Variants in ZNF571 observed in about 807,000 individuals in gnomAD.
The protein encoded by ZNF571 is zinc finger protein 571.
In ZNF571, 4 loss-of-function variants were observed where a neutral mutation model predicts 7.7. That is an observed-to-expected ratio of 0.52 (90% confidence interval 0.25 to 1.18). ZNF571 has a LOEUF of 1.18. Ranked by LOEUF, ZNF571 falls within the 50% of genes most tolerant of loss-of-function variation. ZNF571 has a pLI of 0.14. For missense variants in ZNF571, 704 were observed against 726.9 expected (o/e 0.97, Z 0.36); for synonymous variants, 251 against 232.4 (o/e 1.08, Z -0.73).
intron 3 of ZNF571, among the ~76,000 whole-genome samples, chr19:37,577,355 A>G (rs1167743300): frequency 6.6e-6 from 1 of 152,226 alleles, no homozygotes. Flanking sequence ...TATTGATTTG[A>G]CCACTTTGAA....
chr19:37,568,727 A>G (rs2042954334), intron 3 of ZNF571, among the ~76,000 whole-genome samples: 1 of 152,188 alleles, frequency 6.6e-6, no homozygotes, highest in Non-Finnish European at 1.5e-5. Flanking sequence ...ATTAAGTAGC[A>G]GCTCTTTTTA....
rs1347883601 is a variant in ZNF571 at position 37,584,078 on chromosome 19, T to C, written c.29A>G (p.Asp10Gly). The change falls in exon 3 of 4, where the codon GAT becomes GGT. Residue 10 changes from aspartate to glycine, a missense_variant. Coordinates refer to ENST00000451802, the MANE Select transcript of ZNF571 (RefSeq NM_016536.5). MPHLLVTFR[D>G]VAIDFSQEEW... The stretch of plus-strand genomic sequence containing the variant: ...CTCCTGAGAGAAGTCAATGGCCACA[T>C]CCCTGAAAGTCACCAACAACTGAAA... 6.2e-7 allele frequency: 1 copy of C among 1,614,056 alleles called. No homozygotes were observed. Among genetic ancestry groups the C allele is most frequent in the Admixed American group, 1.7e-5 (1 of 60,014 alleles).
At chr19:37,566,414 A>ATATT in intron 3 of ZNF571, 123 bp from the exon 4 acceptor site, 4 of 1,135,064 alleles carry the variant, frequency 3.5e-6, no homozygotes, top group Non-Finnish European at 3.7e-6. Context: ...CAGTACAGAA[A>ATATT]TATTTTCTGC....
intron 3 of ZNF571, among the ~76,000 whole-genome samples, chr19:37,573,464 C>T (rs964315127): frequency 2.0e-5 from 3 of 152,142 alleles, no homozygotes; most frequent in African/African-American, 7.2e-5. Flanking sequence ...CTAGTTTTAG[C>T]CTTACTTCAT....
chr19:37,566,302 A>C lies in ZNF571; in HGVS notation c.137-11T>G. 6.4e-7 allele frequency: 1 copy of C among 1,571,216 alleles called. No homozygotes were observed. Among genetic ancestry groups the C allele is most frequent in the Non-Finnish European group, 8.6e-7 (1 of 1,162,674 alleles). The stretch of plus-strand genomic sequence containing the variant: ...AACTGGATTCCAAGTCTGTAGAATA[A>C]AAAGAAAGCAAATTCCTGCTTTTGT... On this transcript the variant is annotated splice_polypyrimidine_tract_variant and intron_variant, in intron 3 of 3. Transcript: ENST00000451802.
rs561094261 is a variant in ZNF571 at position 37,566,832 on chromosome 19, T to C, written c.137-541A>G. On this transcript the variant is annotated intron_variant, in intron 3 of 3. Coordinates refer to ENST00000451802, the MANE Select transcript of ZNF571 (RefSeq NM_016536.5). Reference sequence around the variant, plus strand: ...ACATGATTTCCCCTGCTAAAAATCTTCCCTATTAATGGTCTGCCATCTCAG... The same window carrying C: ...ACATGATTTCCCCTGCTAAAAATCTCCCCTATTAATGGTCTGCCATCTCAG... 5.9e-5 allele frequency among the ~76,000 whole-genome samples: 9 copies of C among 152,240 alleles called. No homozygotes were observed. The East Asian group carries it at 1.7e-3, about 29-fold the overall frequency.
At position 37,564,487 on chromosome 19, in the gene ZNF571, G is replaced by T; in HGVS notation, c.*111C>A. On this transcript the variant is annotated 3_prime_UTR_variant, in exon 4 of 4. Transcript: ENST00000451802. Reference sequence around the variant, plus strand: ...GAAATTATTCTGCATCCATGTTAATGTAGGCCTTCTAAGAATGAGCAGATT... The same window carrying T: ...GAAATTATTCTGCATCCATGTTAATTTAGGCCTTCTAAGAATGAGCAGATT... 1.0e-6 allele frequency: 1 copy of T among 959,768 alleles called. No homozygotes were observed. The highest frequency in any genetic ancestry group is 1.4e-6 in the Non-Finnish European group (1 of 692,308). 59.5% of individuals were successfully genotyped at this position (959,768 alleles called of 1,614,324 possible).
intron 3 of ZNF571, among the ~76,000 whole-genome samples, chr19:37,578,738 A>G (rs1381770622): frequency 2.0e-5 from 3 of 152,018 alleles, no homozygotes; most frequent in African/African-American, 7.2e-5. Context: ...CCTCCCAGAT[A>G]GCAGACCATG....
chr19:37,589,789 C>T (rs1190033762), intron 1 of ZNF571, among the ~76,000 whole-genome samples: 1 of 129,060 alleles, frequency 7.7e-6, no homozygotes, highest in Non-Finnish European at 1.6e-5. Context: ...TGCTTGAACC[C>T]GGGAGTTGGA....
chr19:37,579,769 C>T (rs938947202), intron 3 of ZNF571, among the ~76,000 whole-genome samples: 1 of 152,180 alleles, frequency 6.6e-6, no homozygotes, highest in Non-Finnish European at 1.5e-5. Flanking sequence ...TTATTACTCT[C>T]TCTCCCAGTA....
intron 1 of ZNF571, chr19:37,594,497 G>A (rs114119628): frequency 3.9e-5 from 6 of 152,202 alleles, no homozygotes; most frequent in African/African-American, 1.4e-4. Context: ...TCATAAATTC[G>A]GTGCGGAGGA....
At position 37,565,589 on chromosome 19, in the gene ZNF571, T is replaced by G. The variant is rs556473055; in HGVS notation, c.839A>C (p.Glu280Ala). The change falls in exon 4 of 4, where the codon GAA (glutamate) becomes GCA (alanine). Residue 280 changes from glutamate (E) to alanine (A), a missense_variant. By Grantham distance (107) the Glu-to-Ala change is moderately radical (BLOSUM62 -1). Coordinates refer to ENST00000451802, the MANE Select transcript of ZNF571 (RefSeq NM_016536.5). ...AAAGGCCTTCCCACAATCCTTACATTCATAGGGTTTTTCACCACTATGAAT... is the reference window on the plus strand; with the variant it reads ...AAAGGCCTTCCCACAATCCTTACATGCATAGGGTTTTTCACCACTATGAAT... Reference protein sequence around the residue: ...QRIHSGEKPYECKDCGKAFIL... With the variant: ...QRIHSGEKPYACKDCGKAFIL... 1 of 1,613,588 alleles carries G rather than the reference T, an allele frequency of 6.2e-7. No individual in the cohort carries two copies. Among genetic ancestry groups the G allele is most frequent in the East Asian group, 2.2e-5 (1 of 44,856 alleles).
intron 1 of ZNF571, among the ~76,000 whole-genome samples, chr19:37,592,258 T>A (rs2043889176): frequency 2.0e-5 from 3 of 151,998 alleles, no homozygotes; most frequent in South Asian, 2.1e-4. Context: ...GAAAAAAAAA[T>A]AAAGAATGGA....
At chr19:37,578,271 C>G (rs1436309322) in intron 3 of ZNF571, among the ~76,000 whole-genome samples, 1 of 152,168 alleles carries the variant, frequency 6.6e-6, no homozygotes, top group Non-Finnish European at 1.5e-5. Flanking sequence ...CGCCAGGGAA[C>G]TCACAGAGAA....
At chr19:37,570,836 C>T (rs987472713) in intron 3 of ZNF571, among the ~76,000 whole-genome samples, 14 of 152,016 alleles carry the variant, frequency 9.2e-5, no homozygotes, top group Non-Finnish European at 1.0e-4. Flanking sequence ...GGAAAAACAA[C>T]GAAAAAACCC....
intron 2 of ZNF571, 77 bp downstream of exon 2, chr19:37,586,591 A>C: frequency 1.9e-6 from 3 of 1,569,210 alleles, no homozygotes; most frequent in Non-Finnish European, 2.6e-6. Context: ...CAAGGCAGGA[A>C]ATTCTGGGAT....
At chr19:37,581,862 A>C (rs2147192728) in intron 3 of ZNF571, among the ~76,000 whole-genome samples, 1 of 150,666 alleles carries the variant, frequency 6.6e-6, no homozygotes, top group Non-Finnish European at 1.5e-5. Context: ...CTGCAGGGTG[A>C]ACCAGGAGAA....
intron 3 of ZNF571, 165 bp from the exon 4 acceptor site, chr19:37,566,456 A>C (rs2042864151): frequency 1.3e-6 from 1 of 742,272 alleles, no homozygotes; most frequent in Admixed American, 3.4e-5. Context: ...GGAGAGAATA[A>C]AGAAAAAGGA....
chr19:37,582,132 T>G (rs2043491922), intron 3 of ZNF571, among the ~76,000 whole-genome samples: 1 of 152,156 alleles, frequency 6.6e-6, no homozygotes, highest in African/African-American at 2.4e-5. Context: ...CCTTCAACAG[T>G]GCCTGGTGAG....
Sources: allele counts gnomAD v4.1 joint callset (sites outside exome capture counted in the v4.1 genomes callset), GRCh38; gene constraint gnomAD v4.1.1; transcripts MANE v1.5; gene names NCBI Gene and HGNC (gene_info 2026-07-23, HGNC 2026-07-21).